Variants in BCKDHB observed in about 807,000 individuals in gnomAD.
BCKDHB encodes the protein 2-oxoisovalerate dehydrogenase subunit beta, mitochondrial.
A neutral mutation model predicts 48.5 loss-of-function variants in BCKDHB; 41 were observed. That is an observed-to-expected ratio of 0.85 (90% confidence interval 0.66 to 1.10). BCKDHB has a LOEUF of 1.10. Among genes scored for constraint, BCKDHB ranks in the 50% least tolerant of loss-of-function variants. The pLI is 0.00. For missense variants in BCKDHB, 496 were observed against 494.2 expected (o/e 1.00, Z -0.03); for synonymous variants, 201 against 174.8 (o/e 1.15, Z -1.18).
At chr6:80,429,955 G>A in the BCKDHB span, among the ~76,000 whole-genome samples, 1 of 152,320 alleles carries the variant, frequency 6.6e-6, no homozygotes, top group African/African-American at 2.4e-5. Context: ...TTTTCAAAGG[G>A]AATGCTTCCA....
chr6:80,221,472 A>G (rs1309365436), intron 8 of BCKDHB, among the ~76,000 whole-genome samples: 1 of 152,032 alleles, frequency 6.6e-6, no homozygotes, highest in African/African-American at 2.4e-5. Context: ...AGGCAGCATA[A>G]TTTGTGTATC....
downstream of BCKDHB, among the ~76,000 whole-genome samples, chr6:80,347,797 A>G (rs557130378): frequency 2.0e-5 from 3 of 152,294 alleles, no homozygotes; most frequent in East Asian, 1.9e-4. Flanking sequence ...ACTAAACTCA[A>G]TCTATGGCAT....
intron 6 of BCKDHB, among the ~76,000 whole-genome samples, chr6:80,194,606 G>A (rs1774051347): frequency 6.6e-6 from 1 of 152,076 alleles, no homozygotes; most frequent in East Asian, 1.9e-4. Context: ...AATTGGATTT[G>A]TCTGATGTTT....
the BCKDHB span, chr6:80,356,609 G>C: frequency 6.6e-6 from 1 of 152,092 alleles, no homozygotes; most frequent in Admixed American, 6.6e-5. Context: ...AGTAATTAGA[G>C]AACATAGCCA....
chr6:80,214,217 C>A (rs1775067739), intron 8 of BCKDHB, among the ~76,000 whole-genome samples: 2 of 152,078 alleles, frequency 1.3e-5, no homozygotes, highest in Admixed American at 1.3e-4. Flanking sequence ...GATGAAGGAC[C>A]AAGTTTGTTT....
At chr6:80,430,282 G>T in the BCKDHB span, among the ~76,000 whole-genome samples, 4 of 152,148 alleles carry the variant, frequency 2.6e-5, no homozygotes, top group Non-Finnish European at 1.5e-5. Flanking sequence ...TTTTATTGAG[G>T]ATTTCTGCGT....
intron 6 of BCKDHB, among the ~76,000 whole-genome samples, chr6:80,188,400 A>G (rs994905754): frequency 5.6e-4 from 85 of 152,132 alleles, no homozygotes; most frequent in African/African-American, 2.0e-3. Flanking sequence ...AATACCTATC[A>G]CTGAGGTTGG....
At chr6:80,395,464 G>A in the BCKDHB span, among the ~76,000 whole-genome samples, 1 of 152,190 alleles carries the variant, frequency 6.6e-6, no homozygotes, top group East Asian at 1.9e-4. Context: ...AAAAAGACTG[G>A]CATTTTGCCC....
chr6:80,235,432 A>G (rs954609062), intron 8 of BCKDHB, among the ~76,000 whole-genome samples: 2 of 152,234 alleles, frequency 1.3e-5, no homozygotes, highest in Non-Finnish European at 2.9e-5. Flanking sequence ...TTGAGGAAAC[A>G]TGTATTTAGA....
intron 8 of BCKDHB, among the ~76,000 whole-genome samples, chr6:80,204,521 A>G (rs933604696): frequency 3.9e-5 from 6 of 152,108 alleles, no homozygotes; most frequent in South Asian, 4.1e-4. Context: ...TGTTTGCAAC[A>G]TATATCCACC....
At chr6:80,403,770 G>A in the BCKDHB span, among the ~76,000 whole-genome samples, 2 of 151,930 alleles carry the variant, frequency 1.3e-5, no homozygotes, top group African/African-American at 4.8e-5. Flanking sequence ...CTAATTGGTT[G>A]AGAGTTTTTG....
chr6:80,403,560 C>T, the BCKDHB span, among the ~76,000 whole-genome samples: 117 of 151,756 alleles, frequency 7.7e-4, no homozygotes, highest in African/African-American at 2.7e-3. Context: ...CTAATGTTGG[C>T]GGCTTTTGTT....
the BCKDHB span, among the ~76,000 whole-genome samples, chr6:80,458,179 G>T: frequency 2.8e-4 from 43 of 152,156 alleles, no homozygotes; most frequent in African/African-American, 1.0e-3. Context: ...GGACTATTTT[G>T]CCAGTCATCT....
chr6:80,184,693 A>C (rs1773561402), intron 6 of BCKDHB, among the ~76,000 whole-genome samples: 1 of 152,106 alleles, frequency 6.6e-6, no homozygotes, highest in Non-Finnish European at 1.5e-5. Context: ...TCTATTTATG[A>C]AGGTTAGTTT....
intron 3 of BCKDHB, chr6:80,135,954 T>A (rs1770863447): frequency 6.6e-6 from 1 of 152,192 alleles, no homozygotes; most frequent in East Asian, 1.9e-4. Context: ...TCATTTATAA[T>A]AATGTCCTCA....
chr6:80,140,066 A>G (rs1182891294), intron 3 of BCKDHB, among the ~76,000 whole-genome samples: 1 of 152,166 alleles, frequency 6.6e-6, no homozygotes, highest in East Asian at 1.9e-4. Context: ...CTTTGAAGCA[A>G]TTGTGAATGG....
chr6:80,374,151 A>C, the BCKDHB span: 11 of 714,712 alleles, frequency 1.5e-5, no homozygotes, highest in Non-Finnish European at 2.3e-5. Flanking sequence ...GGGAGAGCTC[A>C]TGTATGGGTT....
At chr6:80,356,953 C>CCCCCG in the BCKDHB span, 2 of 25,246 alleles carry the variant, frequency 7.9e-5, no homozygotes, top group Non-Finnish European at 2.2e-4. Context: ...CCCGCCCCCG[C>CCCCCG]CCCCCCCCCA....
intron 9 of BCKDHB, among the ~76,000 whole-genome samples, chr6:80,322,902 T>C (rs1008304581): frequency 1.8e-4 from 27 of 146,416 alleles, no homozygotes; most frequent in Non-Finnish European, 2.1e-4. Context: ...TTTTCTTTTT[T>C]TTTTTTTTTT....
Sources: allele counts gnomAD v4.1 joint callset (sites outside exome capture counted in the v4.1 genomes callset), GRCh38; gene constraint gnomAD v4.1.1; transcripts MANE v1.5; gene names NCBI Gene and HGNC (gene_info 2026-07-23, HGNC 2026-07-21).